The following GPR176 variants were observed in gnomAD, a reference collection of about 807,000 sequenced individuals.
GPR176 encodes G-protein coupled receptor 176.
Under a neutral mutation model 35.4 loss-of-function variants are expected in GPR176, and 26 were observed. That is an observed-to-expected ratio of 0.74 (90% confidence interval 0.54 to 1.02). GPR176 has a LOEUF of 1.02. GPR176 is among the 50% of genes least tolerant of loss of function. The pLI, the probability that GPR176 is intolerant of heterozygous loss-of-function variation, is 0.00. For missense variants in GPR176, 597 were observed against 665.3 expected (o/e 0.90, Z 1.13); for synonymous variants, 278 against 271.3 (o/e 1.02, Z -0.24).
chr15:39,842,719 G>C (rs561867122), intron 1 of GPR176, among the ~76,000 whole-genome samples: 1 of 152,222 alleles, frequency 6.6e-6, no homozygotes, highest in South Asian at 2.1e-4. Flanking sequence ...ACTGATCTTA[G>C]ACTTCCGTGC....
At chr15:39,813,159 C>CA (rs1222861320) in intron 1 of GPR176, 1 of 152,164 alleles carries the variant, frequency 6.6e-6, no homozygotes, top group Non-Finnish European at 1.5e-5. Flanking sequence ...TATATTGCTA[C>CA]AATTTCTTCT....
At chr15:39,860,820 C>G (rs2031540412) in intron 1 of GPR176, 1 of 152,166 alleles carries the variant, frequency 6.6e-6, no homozygotes, top group African/African-American at 2.4e-5. Context: ...TGATACCTAC[C>G]TGAAAATGAA....
intron 1 of GPR176, among the ~76,000 whole-genome samples, chr15:39,862,576 G>A (rs902645610): frequency 1.3e-5 from 2 of 152,162 alleles, no homozygotes; most frequent in Non-Finnish European, 2.9e-5. Flanking sequence ...ATATACAATG[G>A]TGGTCCCATA....
chr15:39,907,842 G>A (rs754948764), intron 1 of GPR176, among the ~76,000 whole-genome samples: 8 of 152,100 alleles, frequency 5.3e-5, no homozygotes, highest in South Asian at 2.1e-4. Flanking sequence ...TGTTTAGGCC[G>A]GGCATGGTGG....
intron 1 of GPR176, among the ~76,000 whole-genome samples, chr15:39,874,033 T>A (rs1163464915): frequency 7.2e-5 from 11 of 152,176 alleles, no homozygotes; most frequent in Admixed American, 7.2e-4. Flanking sequence ...GAACTCAAAA[T>A]GTATTGCACG....
rs746085876 is a variant in GPR176, at chr15:39,802,125, G to A, written c.555C>T (p.Asp185=). ...CCGTGCAGGTGGACGTGGCATAGATGTCAGCCACATTGGTTACTGCAAACA... is the reference window on the plus strand; with the variant it reads ...CCGTGCAGGTGGACGTGGCATAGATATCAGCCACATTGGTTACTGCAAACA... ...VPVFAVTNVA[D]IYATSTCTEV... Residue 185 remains aspartate, a synonymous_variant, in exon 3 of 3, where the codon GAC becomes GAT. Coordinates refer to ENST00000561100, the MANE Select transcript of GPR176 (RefSeq NM_007223.3). The A allele has an allele frequency of 7.4e-6, 12 of 1,614,184 alleles. No homozygotes were observed. The South Asian group carries it at 1.3e-4, about 18-fold the overall frequency.
chr15:39,875,576 C>T (rs2032211590), intron 1 of GPR176, among the ~76,000 whole-genome samples: 1 of 152,114 alleles, frequency 6.6e-6, no homozygotes, highest in Admixed American at 6.5e-5. Flanking sequence ...TATTAGGAAG[C>T]CCACTGGATC....
rs544274228 is a variant in GPR176, at chr15:39,869,524, G to A, written c.172+50331C>T. ...CCCAGACAAGAGCCACTTGTCACAA[G>A]CTGTTTACAGAGCACATCTGTGGCC... On this transcript the variant is annotated intron_variant, in intron 1 of 2. Transcript: ENST00000561100. Among the ~76,000 whole-genome samples the A allele has an allele frequency of 7.2e-5, 11 of 152,248 alleles. No individual in the cohort carries two copies. The South Asian group carries it at 1.5e-3, about 20-fold the overall frequency.
At chr15:39,811,881 A>C (rs1321282144) in intron 1 of GPR176, among the ~76,000 whole-genome samples, 3 of 150,884 alleles carry the variant, frequency 2.0e-5, no homozygotes, top group South Asian at 4.2e-4. Flanking sequence ...GCGCCATTGC[A>C]CTCCAGCCTG....
intron 1 of GPR176, among the ~76,000 whole-genome samples, chr15:39,843,511 T>TG (rs1443776965): frequency 2.0e-5 from 3 of 152,076 alleles, no homozygotes; most frequent in African/African-American, 7.2e-5. Context: ...CTCCCAGAAT[T>TG]GCATTTTGCA....
At chr15:39,915,491 T>A (rs1265399212) in intron 1 of GPR176, among the ~76,000 whole-genome samples, 1 of 152,184 alleles carries the variant, frequency 6.6e-6, no homozygotes, top group Non-Finnish European at 1.5e-5. Context: ...ACATTCAGTC[T>A]ATAAAGGAAA....
Position 39,919,983 on chromosome 15 carries a change from G to C in GPR176, c.44C>G (p.Pro15Arg). 3 of 1,461,400 alleles carry C rather than the reference G, an allele frequency of 2.1e-6. No individual in the cohort carries two copies. Among genetic ancestry groups the C allele is most frequent in the Non-Finnish European group, 2.7e-6 (3 of 1,105,318 alleles). The allele number at this position is 1,461,400 out of a possible 1,614,324, so 90.5% of individuals were successfully genotyped here. Residue 15 changes from proline (P) to arginine (R), a missense_variant, in exon 1 of 3, where the codon CCG becomes CGG. By Grantham distance (103) the Pro-to-Arg change is moderately radical. Transcript: ENST00000561100. ...GSWISPNASE[P>R]HNASGAEAAG... Reference sequence around the variant, plus strand: ...AGCCTCGGCGCCGGACGCGTTGTGCGGCTCGCTGGCATTTGGAGAGATCCA... The same window carrying C: ...AGCCTCGGCGCCGGACGCGTTGTGCCGCTCGCTGGCATTTGGAGAGATCCA...
chr15:39,820,037 G>A (rs1015699823), intron 1 of GPR176, among the ~76,000 whole-genome samples: 5 of 152,202 alleles, frequency 3.3e-5, no homozygotes, highest in Non-Finnish European at 1.5e-5. Flanking sequence ...GCTAGAAATG[G>A]CATTCCAATT....
chr15:39,881,605 C>T (rs1470783102), intron 1 of GPR176, among the ~76,000 whole-genome samples: 1 of 152,200 alleles, frequency 6.6e-6, no homozygotes, highest in African/African-American at 2.4e-5. Context: ...CTGAGTGCAA[C>T]TGGTCCCTTT....
intron 1 of GPR176, among the ~76,000 whole-genome samples, chr15:39,848,557 C>T (rs547226879): frequency 1.4e-4 from 21 of 152,050 alleles, no homozygotes; most frequent in Non-Finnish European, 2.5e-4. Flanking sequence ...TAAAGTATAT[C>T]TATGGCCATA....
At chr15:39,896,365 C>T (rs2033113749) in intron 1 of GPR176, among the ~76,000 whole-genome samples, 1 of 152,194 alleles carries the variant, frequency 6.6e-6, no homozygotes, top group Non-Finnish European at 1.5e-5. Context: ...TGAAAGCTAA[C>T]CCAACTGGCC....
intron 1 of GPR176, among the ~76,000 whole-genome samples, chr15:39,895,113 G>C (rs564951440): frequency 1.5e-4 from 23 of 152,182 alleles, no homozygotes; most frequent in African/African-American, 5.1e-4. Flanking sequence ...GCAGGTACTC[G>C]GCAGGCTGAG....
intron 1 of GPR176, among the ~76,000 whole-genome samples, chr15:39,914,405 C>T (rs535723216): frequency 5.3e-4 from 79 of 148,646 alleles, no homozygotes; most frequent in South Asian, 2.1e-3. Flanking sequence ...CCTCTGCCTC[C>T]TGGGTTCAAG....
At chr15:39,813,619 T>C (rs2140797457) in intron 1 of GPR176, 1 of 152,302 alleles carries the variant, frequency 6.6e-6, no homozygotes, top group South Asian at 2.1e-4. Context: ...AGTTTAAATA[T>C]GATGTGTCTA....
Sources: gnomAD v4.1 joint callset for allele counts (sites outside exome capture counted in the v4.1 genomes callset) on GRCh38, gnomAD v4.1.1 for gene constraint, MANE v1.5 for transcripts, NCBI Gene and HGNC (gene_info 2026-07-23, HGNC 2026-07-21) for gene names.